SRRM2: variants seen among roughly 807,000 people sequenced by gnomAD.
SRRM2 encodes serine/arginine repetitive matrix 2, also known as serine/arginine repetitive matrix protein 2.
SRRM2 carries 30 observed loss-of-function variants against 213.8 expected under a neutral mutation model. The observed-to-expected ratio is 0.14, with a 90% confidence interval of 0.10 to 0.19. The LOEUF is 0.19. Ranked by LOEUF, SRRM2 falls within the 10% of genes least tolerant of loss-of-function variation. The probability of loss-of-function intolerance (pLI) is 1.00; values close to 1 mark genes in which losing one functional copy is unlikely to be tolerated. For missense variants in SRRM2, 4,904 were observed against 3,647.0 expected, an observed-to-expected ratio of 1.34 and a Z score of -8.88; for synonymous variants, 2,025 against 1,377.7, an observed-to-expected ratio of 1.47 and a Z score of -10.40.
Position 2,765,297 on chromosome 16 carries a change from G to A in SRRM2, c.4769G>A (p.Arg1590Gln), listed in dbSNP as rs749565217. Residue 1590 changes from arginine to glutamine, a missense_variant, in exon 11 of 15, where the codon CGA becomes CAA. Arg to Gln is a conservative substitution (Grantham distance 43, BLOSUM62 1). Transcript: ENST00000301740. The part of the protein sequence containing the change: ...GSSPEVDSKS[R>Q]LSPRRSRSGS... Reference sequence around the variant, plus strand: ...TCTCCAGAGGTTGACAGCAAATCTCGACTATCCCCTCGGCGCAGTAGGTCT... The same window carrying A: ...TCTCCAGAGGTTGACAGCAAATCTCAACTATCCCCTCGGCGCAGTAGGTCT... The A allele has an allele frequency of 1.4e-5, 23 of 1,613,988 alleles. No homozygotes were observed. Among genetic ancestry groups the A allele is most frequent in the East Asian group, 4.5e-5 (2 of 44,880 alleles).
Position 2,767,899 on chromosome 16 carries a change from C to G in SRRM2, c.7371C>G (p.Asp2457Glu), listed in dbSNP as rs1322264682. The change falls in exon 11 of 15, where the codon GAC (aspartate) becomes GAG (glutamate). Residue 2457 changes from aspartate (D) to glutamate (E), a missense_variant. By Grantham distance (45) the Asp-to-Glu change is conservative. Coordinates refer to ENST00000301740, the MANE Select transcript of SRRM2 (RefSeq NM_016333.4). Reference sequence around the variant, plus strand: ...CTCCTGTGCCTTCTGCTTTTTCAGACCAATCCCGTTGTTTGATTGCCCAGA... The same window carrying G: ...CTCCTGTGCCTTCTGCTTTTTCAGAGCAATCCCGTTGTTTGATTGCCCAGA... Reference protein sequence around the residue: ...PRSPVPSAFSDQSRCLIAQTT... With the variant: ...PRSPVPSAFSEQSRCLIAQTT... 1 of 1,614,042 alleles carries G rather than the reference C, an allele frequency of 6.2e-7. No individual in the cohort carries two copies. The highest frequency in any genetic ancestry group is 1.3e-5 in the African/African-American group (1 of 74,892).
In SRRM2 at chr16:2,767,133, C is replaced by G. The variant is rs1421482196; in HGVS notation, c.6605C>G (p.Ala2202Gly). Reference sequence around the variant, plus strand: ...CGGCCTCCTCCGTCCATGTCTGCTGCTGGCCTTGCTGCAAGAATGTCCCAG... The same window carrying G: ...CGGCCTCCTCCGTCCATGTCTGCTGGTGGCCTTGCTGCAAGAATGTCCCAG... ...TARPPPSMSA[A>G]GLAARMSQVP... Residue 2202 changes from alanine to glycine, a missense_variant, in exon 11 of 15, where the codon GCT becomes GGT. Physicochemically the swap from Ala to Gly is moderately conservative, Grantham distance 60 (BLOSUM62 0). Transcript: ENST00000301740. 1.2e-6 allele frequency: 2 copies of G among 1,614,204 alleles called. No homozygotes were observed. The highest frequency in any genetic ancestry group is 2.2e-5 in the East Asian group (1 of 44,882).
rs1280097245 is a variant in SRRM2, at chr16:2,766,886, C to G, written c.6358C>G (p.Pro2120Ala). ...TTCCAGAATGAGCTGCTTCAGTCGT[C>G]CTAGCATGTCCCCAACACCTCTTGA... ...NSSRMSCFSR[P>A]SMSPTPLDRC... is the part of the protein sequence containing the mutation. Residue 2120 changes from proline to alanine, a missense_variant, in exon 11 of 15, where the codon CCT becomes GCT. Coordinates refer to ENST00000301740, the MANE Select transcript of SRRM2 (RefSeq NM_016333.4). The surrounding 1 kb of genome is among the most constrained non-coding windows in gnomAD (Gnocchi z 7.0). 6.2e-7 allele frequency: 1 copy of G among 1,613,990 alleles called. No homozygotes were observed. The highest frequency in any genetic ancestry group is 1.3e-5 in the African/African-American group (1 of 74,914).
chr16:2,758,067 G>A (rs762608098), intron 4 of SRRM2, 122 bp downstream of exon 4: 28 of 1,291,608 alleles, frequency 2.2e-5, no homozygotes, highest in Non-Finnish European at 2.8e-5. Context: ...TTCTGAAGTT[G>A]AGGTGTCCAA....
rs202025261 is a variant in SRRM2 at position 2,763,183 on chromosome 16, C to A, written c.2655C>A (p.Thr885=). ...CTGACCCTGAGTTGAAATCTAGGAC[C>A]CCTTCTAGACATAGCTGCTCAGGGT... ...SSPDPELKSR[T]PSRHSCSGSS... The change falls in exon 11 of 15, where the codon ACC becomes ACA. Residue 885 remains threonine, a synonymous_variant. Coordinates refer to ENST00000301740, the MANE Select transcript of SRRM2 (RefSeq NM_016333.4). 8.1e-6 allele frequency: 13 copies of A among 1,614,010 alleles called. No individual in the cohort carries two copies. In the East Asian group the frequency reaches 1.6e-4, roughly 19 times the overall value.
At position 2,769,198 on chromosome 16, in the gene SRRM2, G is replaced by A. The variant is rs138907366; in HGVS notation, c.7935G>A (p.Ser2645=). The A allele has an allele frequency of 2.6e-5, 42 of 1,605,126 alleles. No individual in the cohort carries two copies. The highest frequency in any genetic ancestry group is 5.4e-5 in the African/African-American group (4 of 73,788). Residue 2645 remains serine, a synonymous_variant, in exon 12 of 15, where the codon TCG becomes TCA. Transcript: ENST00000301740. ...CCTCCTCATCTTCCTCCTCCTCGTC[G>A]TCTTCCTCCCCTTCCCCTGCTAAGC... is the stretch of plus-strand genomic sequence containing the variant. The part of the protein sequence containing the change: ...SSSSSSSSSS[S]SSSPSPAKPG...
At position 2,764,462 on chromosome 16, in the gene SRRM2, C is replaced by T. The variant is rs756123451; in HGVS notation, c.3934C>T (p.Pro1312Ser). 13 of 1,612,750 alleles carry T rather than the reference C, an allele frequency of 8.1e-6. No individual in the cohort carries two copies. In the Admixed American group the frequency reaches 1.0e-4, roughly 12 times the overall value. The change falls in exon 11 of 15, where the codon CCA becomes TCA. Residue 1312 changes from proline to serine, a missense_variant. Pro to Ser is a moderately conservative substitution (Grantham distance 74, BLOSUM62 -1). Coordinates refer to ENST00000301740, the MANE Select transcript of SRRM2 (RefSeq NM_016333.4). Reference protein sequence around the residue: ...ASSWGGPHFSPEHKELSNSPL... With the variant: ...ASSWGGPHFSSEHKELSNSPL... ...ATCTTGGGGTGGGCCACATTTTTCT[C>T]CAGAACATAAAGAACTGTCTAACTC...
rs901974214 is a variant in SRRM2 at position 2,761,770 on chromosome 16, G to T, written c.1242G>T (p.Gln414His). 18 of 1,613,346 alleles carry T rather than the reference G, an allele frequency of 1.1e-5. No individual in the cohort carries two copies. Among genetic ancestry groups the T allele is most frequent in the Non-Finnish European group, 1.5e-5 (18 of 1,179,778 alleles). The change falls in exon 11 of 15, where the codon CAG becomes CAT. Residue 414 changes from glutamine to histidine, a missense_variant. Coordinates refer to ENST00000301740, the MANE Select transcript of SRRM2 (RefSeq NM_016333.4). ...CTAAGTCTCCCGAGAAACTTCCCCA[G>T]TCTTCTTCCTCAGAGAGCAGCCCAC... ...SPPKSPEKLPQSSSSESSPPS... is the reference protein window; with the variant it reads ...SPPKSPEKLPHSSSSESSPPS...
chr16:2,763,016 C>A lies in SRRM2; in HGVS notation c.2488C>A (p.Pro830Thr). ...SPPPKQKSKT[P>T]SRQSHSSSSP... ...GCCACCTAAACAGAAATCTAAGACA[C>A]CATCAAGACAAAGTCATTCCAGTTC... Residue 830 changes from proline (P) to threonine (T), a missense_variant, in exon 11 of 15, where the codon CCA (proline) becomes ACA (threonine). Transcript: ENST00000301740. The A allele has an allele frequency of 6.2e-7, 1 of 1,614,180 alleles. No homozygotes were observed. The highest frequency in any genetic ancestry group is 1.3e-5 in the African/African-American group (1 of 75,040).
rs1455086835 is a variant in SRRM2 at position 2,764,625 on chromosome 16, A to G, written c.4097A>G (p.Asp1366Gly). Residue 1366 changes from aspartate to glycine, a missense_variant, in exon 11 of 15, where the codon GAT (aspartate) becomes GGT (glycine). Physicochemically the swap from Asp to Gly is moderately conservative, Grantham distance 94. Coordinates refer to ENST00000301740, the MANE Select transcript of SRRM2 (RefSeq NM_016333.4). ...NGPFLNQLET[D>G]PSLDMKEQST... The stretch of plus-strand genomic sequence containing the variant: ...CCGTTTCTTAATCAGCTGGAAACAG[A>G]TCCATCTCTAGACATGAAAGAACAA... 1 of 1,614,242 alleles carries G rather than the reference A, an allele frequency of 6.2e-7. No homozygotes were observed. Among genetic ancestry groups the G allele is most frequent in the South Asian group, 1.1e-5 (1 of 91,090 alleles).
chr16:2,765,802 G>T lies in SRRM2; in HGVS notation c.5274G>T (p.Arg1758Ser), dbSNP rs778552936. 1 of 1,614,030 alleles carries T rather than the reference G, an allele frequency of 6.2e-7. No individual in the cohort carries two copies. The highest frequency in any genetic ancestry group is 8.5e-7 in the Non-Finnish European group (1 of 1,180,024). Residue 1758 changes from arginine (R) to serine (S), a missense_variant, in exon 11 of 15, where the codon AGG becomes AGT. By Grantham distance (110) the Arg-to-Ser change is moderately radical. Coordinates refer to ENST00000301740, the MANE Select transcript of SRRM2 (RefSeq NM_016333.4). ...ASSPRTKTTS[R>S]RGRSPSPKPR... ...CTCCACGCACTAAGACAACCTCAAG[G>T]AGAGGCCGCTCTCCTTCGCCAAAGC...
rs756618722 is a variant in SRRM2 at position 2,763,960 on chromosome 16, A to T, written c.3432A>T (p.Ser1144=). ...EQSRFQSDSS[S]YPTVDSNSLL... is the part of the protein sequence containing the mutation. ...GCAGGTTCCAGTCTGACTCTTCTTC[A>T]TATCCTACAGTGGACTCGAATTCTC... is the stretch of plus-strand genomic sequence containing the variant. Residue 1144 remains serine, a synonymous_variant, in exon 11 of 15, where the codon TCA becomes TCT. Coordinates refer to ENST00000301740, the MANE Select transcript of SRRM2 (RefSeq NM_016333.4). 1.2e-5 allele frequency: 20 copies of T among 1,614,094 alleles called. No individual in the cohort carries two copies. Among genetic ancestry groups the T allele is most frequent in the Admixed American group, 3.3e-5 (2 of 60,004 alleles).
chr16:2,768,879 A>AGAG, intron 11 of SRRM2, 118 bp from the exon 12 acceptor site: 1 of 1,547,626 alleles, frequency 6.5e-7, no homozygotes, highest in Non-Finnish European at 8.7e-7. Flanking sequence ...CGTGGCTCGG[A>AGAG]GAGCTCCCAG....
chr16:2,766,340 A>G lies in SRRM2; in HGVS notation c.5812A>G (p.Arg1938Gly), dbSNP rs998402934. 1.9e-6 allele frequency: 3 copies of G among 1,614,214 alleles called. No homozygotes were observed. Among genetic ancestry groups the G allele is most frequent in the South Asian group, 1.1e-5 (1 of 91,088 alleles). ...PPVTRRRSRS[R>G]TPTTRRRSRS... ...AGTAACCCGCCGTCGTTCAAGGTCT[A>G]GAACGCCAACAACACGCCGCCGCTC... Residue 1938 changes from arginine to glycine, a missense_variant, in exon 11 of 15, where the codon AGA becomes GGA. By Grantham distance (125) the Arg-to-Gly change is moderately radical (BLOSUM62 -2). Transcript: ENST00000301740. The surrounding 1 kb of genome is among the most constrained non-coding windows in gnomAD (Gnocchi z 7.0).
rs2068585762 is a variant in SRRM2, at chr16:2,767,547, G to T, written c.7019G>T (p.Gly2340Val). 6.2e-7 allele frequency: 1 copy of T among 1,614,030 alleles called. No individual in the cohort carries two copies. Among genetic ancestry groups the T allele is most frequent in the African/African-American group, 1.3e-5 (1 of 74,902 alleles). The change falls in exon 11 of 15, where the codon GGT becomes GTT. Residue 2340 changes from glycine to valine, a missense_variant. Coordinates refer to ENST00000301740, the MANE Select transcript of SRRM2 (RefSeq NM_016333.4). Reference sequence around the variant, plus strand: ...GCTCCAGCCTCTGCAAACCTGGTGGGTCCTCGGTCTGCACATGCCACAGCT... The same window carrying T: ...GCTCCAGCCTCTGCAAACCTGGTGGTTCCTCGGTCTGCACATGCCACAGCT... ...PQAPASANLV[G>V]PRSAHATAPV...
Position 2,771,410 on chromosome 16 carries a change from G to T in SRRM2, c.*543G>T. ...TGTCAAATAAAAATGAGAAATGCAGGAACTGGGTCTGTAGACTGTTTATTA... is the reference window on the plus strand; with the variant it reads ...TGTCAAATAAAAATGAGAAATGCAGTAACTGGGTCTGTAGACTGTTTATTA... On this transcript the variant is annotated 3_prime_UTR_variant, in exon 15 of 15. Transcript: ENST00000301740. 4 of 1,611,594 alleles carry T rather than the reference G, an allele frequency of 2.5e-6. No homozygotes were observed. The highest frequency in any genetic ancestry group is 3.4e-6 in the Non-Finnish European group (4 of 1,177,928).
chr16:2,769,171 T>TTCC lies in SRRM2; in HGVS notation c.7914_7916dup (p.Ser2648dup), dbSNP rs371267963. Reference sequence around the variant, plus strand: ...CCTCCTCCTCTTCCTCTTCTTCTTCTTCCTCCTCATCTTCCTCCTCCTCGT... The same window carrying TTCC: ...CCTCCTCCTCTTCCTCTTCTTCTTCTTCCTCCTCCTCATCTTCCTCCTCCTCGT... On this transcript the variant is annotated inframe_insertion, in exon 12 of 15. Coordinates refer to ENST00000301740, the MANE Select transcript of SRRM2 (RefSeq NM_016333.4). 1 of 1,610,444 alleles carries TTCC rather than the reference T, an allele frequency of 6.2e-7. No homozygotes were observed. The highest frequency in any genetic ancestry group is 1.1e-5 in the South Asian group (1 of 90,600).
intron 10 of SRRM2, among the ~76,000 whole-genome samples, chr16:2,761,012 C>G (rs908169715): frequency 6.6e-6 from 1 of 152,224 alleles, no homozygotes; most frequent in Non-Finnish European, 1.5e-5. Flanking sequence ...CCAGGGTTAC[C>G]TTTCCAAATT....
intron 1 of SRRM2, among the ~76,000 whole-genome samples, chr16:2,755,062 G>A (rs181173599): frequency 2.0e-5 from 3 of 152,190 alleles, no homozygotes; most frequent in African/African-American, 7.2e-5. Context: ...TCCGCTTTAC[G>A]TATTCCTTAG....
Sources: allele counts gnomAD v4.1 joint callset (sites outside exome capture counted in the v4.1 genomes callset), GRCh38; gene constraint gnomAD v4.1.1; non-coding constraint Gnocchi (gnomAD v3.1); transcripts MANE v1.5; gene names NCBI Gene and HGNC (gene_info 2026-07-23, HGNC 2026-07-21).